Variants in BBIP1 observed in about 807,000 individuals in gnomAD.
BBIP1 encodes BBSome-interacting protein 1.
A neutral mutation model predicts 8.9 loss-of-function variants in BBIP1; 6 were observed. The ratio of observed to expected loss-of-function variants is 0.67; its 90% CI spans 0.37 to 1.33. The LOEUF is 1.33. BBIP1 is among the 40% of genes most tolerant of loss of function. The pLI, the probability that BBIP1 is intolerant of heterozygous loss-of-function variation, is 0.02. For synonymous variants in BBIP1, 32 were observed against 33.4 expected (o/e 0.96, Z 0.14); for missense variants, 111 against 109.2 (o/e 1.02, Z -0.07).
At chr10:110,904,767 T>A (rs1390110545) in intron 2 of BBIP1, 1 of 152,182 alleles carries the variant, frequency 6.6e-6, no homozygotes, top group Non-Finnish European at 1.5e-5. Flanking sequence ...TGACTAAATG[T>A]TCACCAGCAG....
chr10:110,918,138 T>G lies in BBIP1; in HGVS notation c.20A>C (p.Lys7Thr). The G allele has an allele frequency of 6.5e-7, 1 of 1,536,080 alleles. No individual in the cohort carries two copies. Among genetic ancestry groups the G allele is most frequent in the Non-Finnish European group, 8.7e-7 (1 of 1,146,850 alleles). The change falls in exon 2 of 4, where the codon AAA becomes ACA. Residue 7 changes from lysine (K) to threonine (T), a missense_variant. By Grantham distance (78) the Lys-to-Thr change is moderately conservative (BLOSUM62 -1). Coordinates refer to ENST00000448814, the MANE Select transcript of BBIP1 (RefSeq NM_001195305.3). The stretch of plus-strand genomic sequence containing the variant: ...AATTTTACCTGAAAGTTCTGGTCTT[T>G]TTGCTGCAGCTTTAAGCATCCAACC... MLKAAA[K>T]RPELSGKNTI...
chr10:110,903,153 AT>A (rs1199447535), intron 2 of BBIP1: 10 of 152,200 alleles, frequency 6.6e-5, no homozygotes, highest in Admixed American at 5.9e-4. Flanking sequence ...GGAGCTAAGG[AT>A]TTTTATATGT....
At chr10:110,912,281 A>T (rs907149539) in intron 2 of BBIP1, 2 of 151,786 alleles carry the variant, frequency 1.3e-5, no homozygotes, top group African/African-American at 4.8e-5. Context: ...TTTTGTTTAT[A>T]GCATTAAATA....
Position 110,918,227 on chromosome 10 carries a change from T to C in BBIP1, c.-56-14A>G. The C allele has an allele frequency of 7.5e-7, 1 of 1,327,222 alleles. No homozygotes were observed. The highest frequency in any genetic ancestry group is 1.0e-6 in the Non-Finnish European group (1 of 959,664). 82.2% of individuals were successfully genotyped at this position (1,327,222 alleles called of 1,614,324 possible). The stretch of plus-strand genomic sequence containing the variant: ...ATACAGAAGAAACTACAAGATAATG[T>C]ATGATAACTTTGTAAAGGGCCATAT... On this transcript the variant is annotated splice_polypyrimidine_tract_variant and intron_variant, in intron 1 of 3. Transcript: ENST00000448814.
In BBIP1 at chr10:110,919,108, T is replaced by C. The variant is rs147583596; in HGVS notation, c.-57+13A>G. 96 of 153,504 alleles carry C rather than the reference T, an allele frequency of 6.3e-4. No homozygotes were observed. Among genetic ancestry groups the C allele is most frequent in the African/African-American group, 2.3e-3 (94 of 41,630 alleles). 9.5% of individuals were successfully genotyped at this position (153,504 alleles called of 1,614,324 possible). On this transcript the variant is annotated intron_variant, in intron 1 of 3. Transcript: ENST00000448814. ...TGTGTGGTCACCCACGGTACCTCTT[T>C]GGGCTTACTTACAGATGCATCCCTT... is the stretch of plus-strand genomic sequence containing the variant.
chr10:110,905,239 A>C (rs775111351), intron 2 of BBIP1, among the ~76,000 whole-genome samples: 17 of 152,292 alleles, frequency 1.1e-4, no homozygotes, highest in Middle Eastern at 3.4e-3. Context: ...TTGCCTTCAA[A>C]TCAATCACAT....
At chr10:110,912,813 C>T (rs1564694077) in intron 2 of BBIP1, among the ~76,000 whole-genome samples, 1 of 152,130 alleles carries the variant, frequency 6.6e-6, no homozygotes, top group Non-Finnish European at 1.5e-5. Context: ...TATGTGCCTA[C>T]TACTCCTAAC....
intron 2 of BBIP1, among the ~76,000 whole-genome samples, chr10:110,916,254 T>C (rs1188577189): frequency 6.6e-6 from 1 of 152,232 alleles, no homozygotes; most frequent in African/African-American, 2.4e-5. Context: ...ATCTAAAAAA[T>C]TCTGTCCTCC....
intron 2 of BBIP1, among the ~76,000 whole-genome samples, chr10:110,905,572 C>T (rs1487510883): frequency 2.0e-5 from 3 of 148,286 alleles, no homozygotes; most frequent in Non-Finnish European, 4.5e-5. Context: ...CCCCCCACCC[C>T]TCCAAAAAAA....
chr10:110,916,589 A>C (rs1846407798), intron 2 of BBIP1, among the ~76,000 whole-genome samples: 1 of 152,228 alleles, frequency 6.6e-6, no homozygotes, highest in South Asian at 2.1e-4. Context: ...CTAAATTGGA[A>C]TGTGACCAGA....
At chr10:110,917,948 T>C (rs574097913) in intron 2 of BBIP1, 173 bp downstream of exon 2, 2 of 623,530 alleles carry the variant, frequency 3.2e-6, no homozygotes, top group South Asian at 2.0e-5. Flanking sequence ...CAGAATCAGA[T>C]ACAGAATCAC....
chr10:110,900,385 T>C lies in BBIP1; in HGVS notation c.254A>G (p.Lys85Arg), dbSNP rs924597328. 1.2e-5 allele frequency: 18 copies of C among 1,534,952 alleles called. No homozygotes were observed. Among genetic ancestry groups the C allele is most frequent in the Non-Finnish European group, 1.4e-5 (16 of 1,146,710 alleles). The change falls in exon 4 of 4, where the codon AAG becomes AGG. Residue 85 changes from lysine (K) to arginine (R), a missense_variant. Physicochemically the swap from Lys to Arg is conservative, Grantham distance 26. Transcript: ENST00000448814. ...TCAGTGGGTTATTTGCCGTTGATCC[T>C]TTTCTGCCATTTCTTGTTGGCGAAT... ...NTIRQQEMAEKDQRQITH is the reference protein window; with the variant it reads ...NTIRQQEMAERDQRQITH
intron 2 of BBIP1, among the ~76,000 whole-genome samples, chr10:110,912,720 C>T (rs1846307552): frequency 6.6e-6 from 1 of 152,126 alleles, no homozygotes; most frequent in Non-Finnish European, 1.5e-5. Context: ...CCTCCCCACA[C>T]TAAGTCTCCT....
chr10:110,913,937 A>T lies in BBIP1; in HGVS notation c.37+4184T>A, dbSNP rs183457662. 4.4e-3 allele frequency among the ~76,000 whole-genome samples: 675 copies of T among 152,326 alleles called. 3 individuals are homozygous for T. The highest frequency in any genetic ancestry group is 5.3e-3 in the Non-Finnish European group (361 of 68,032). ...ATCAGGAAATTTCACAAAAAATCCA[A>T]ATTTTAGCTCCACTTGACAAATCTG... On this transcript the variant is annotated intron_variant, in intron 2 of 3. Coordinates refer to ENST00000448814, the MANE Select transcript of BBIP1 (RefSeq NM_001195305.3).
At chr10:110,901,025 C>A (rs1845985055) in intron 3 of BBIP1, 3 of 371,456 alleles carry the variant, frequency 8.1e-6, no homozygotes, top group Non-Finnish European at 1.6e-5. Flanking sequence ...GTAGCTCTTA[C>A]CTGTTATCCC....
chr10:110,909,614 T>C (rs1846226425), intron 2 of BBIP1, among the ~76,000 whole-genome samples: 1 of 152,216 alleles, frequency 6.6e-6, no homozygotes, highest in Non-Finnish European at 1.5e-5. Flanking sequence ...TGCACACCTA[T>C]TACATATTTG....
At chr10:110,907,709 CT>C (rs1400819640) in intron 2 of BBIP1, 2 of 699,796 alleles carry the variant, frequency 2.9e-6, no homozygotes, top group South Asian at 3.0e-5. Flanking sequence ...CTCCGATTGT[CT>C]TCAGGCATCT....
rs1021504349 is a variant in BBIP1, at chr10:110,899,714, T to C, written c.*646A>G. 1 of 152,100 alleles carries C rather than the reference T, an allele frequency of 6.6e-6. No individual in the cohort carries two copies. The highest frequency in any genetic ancestry group is 2.4e-5 in the African/African-American group (1 of 41,350). The allele number at this position is 152,100 out of a possible 1,614,324, so 9.4% of individuals were successfully genotyped here. Reference sequence around the variant, plus strand: ...TGGGAGGCTGAGGCAGGAGAATTGCTTGAACCTGGGAGGCAGAGGTTGCAG... The same window carrying C: ...TGGGAGGCTGAGGCAGGAGAATTGCCTGAACCTGGGAGGCAGAGGTTGCAG... On this transcript the variant is annotated 3_prime_UTR_variant, in exon 4 of 4. Coordinates refer to ENST00000448814, the MANE Select transcript of BBIP1 (RefSeq NM_001195305.3).
intron 2 of BBIP1, chr10:110,904,981 A>G (rs1219564051): frequency 1.6e-4 from 24 of 152,206 alleles, no homozygotes; most frequent in Admixed American, 1.6e-3. Flanking sequence ...TGGTTTAGGT[A>G]AATGGAGAAG....
Sources: allele counts gnomAD v4.1 joint callset (sites outside exome capture counted in the v4.1 genomes callset), GRCh38; gene constraint gnomAD v4.1.1; transcripts MANE v1.5; gene names NCBI Gene and HGNC (gene_info 2026-07-23, HGNC 2026-07-21).